The following ZNF320 variants were observed in gnomAD, a reference collection of about 807,000 sequenced individuals.
ZNF320 encodes the protein zinc finger protein 320, also known as zinc finger gene 320.
Under a neutral mutation model 6.8 loss-of-function variants are expected in ZNF320, and 2 were observed. That is an observed-to-expected ratio of 0.29 (90% CI 0.12 to 0.93). The LOEUF is 0.93. Ranked by LOEUF, ZNF320 falls within the 40% of genes least tolerant of loss-of-function variation. The pLI is 0.55. For missense variants in ZNF320, 472 were observed against 611.0 expected (o/e 0.77, Z 2.40); for synonymous variants, 208 against 203.2 (o/e 1.02, Z -0.20).
In ZNF320 at chr19:52,888,149, A is replaced by C; in HGVS notation, c.120T>G (p.Asn40Lys). ...RTLYRDVMLENYRNLVSLDIS... is the reference protein window; with the variant it reads ...RTLYRDVMLEKYRNLVSLDIS... Reference sequence around the variant, plus strand: ...CACCCAGGGAGACCAGGTTCCTATAATTCTCCAGCATCACGTCTCTGTATA... The same window carrying C: ...CACCCAGGGAGACCAGGTTCCTATACTTCTCCAGCATCACGTCTCTGTATA... The change falls in exon 5 of 6, where the codon AAT (asparagine) becomes AAG (lysine). Residue 40 changes from asparagine (N) to lysine (K), a missense_variant. By Grantham distance (94) the Asn-to-Lys change is moderately conservative (BLOSUM62 0). Coordinates refer to ENST00000682928, the MANE Select transcript of ZNF320 (RefSeq NM_001351774.2). 1 of 1,547,548 alleles carries C rather than the reference A, an allele frequency of 6.5e-7. No individual in the cohort carries two copies. Among genetic ancestry groups the C allele is most frequent in the Non-Finnish European group, 8.7e-7 (1 of 1,154,552 alleles).
upstream of ZNF320, among the ~76,000 whole-genome samples, chr19:52,899,810 G>C (rs1340883249): frequency 1.3e-5 from 2 of 152,158 alleles, no homozygotes; most frequent in Non-Finnish European, 2.9e-5. Context: ...AACAGTCAAG[G>C]CTTGACCGGT....
In ZNF320 at chr19:52,880,123, T is replaced by A. The variant is rs945064556; in HGVS notation, c.*473A>T. On this transcript the variant is annotated 3_prime_UTR_variant, in exon 6 of 6. Transcript: ENST00000682928. ...CAGCACTTTGGCAGGTGGAGGCAGGTGGATTTTAAGGACAGAAGATCGAGA... is the reference window on the plus strand; with the variant it reads ...CAGCACTTTGGCAGGTGGAGGCAGGAGGATTTTAAGGACAGAAGATCGAGA... 1 of 152,208 alleles carries A rather than the reference T, an allele frequency of 6.6e-6. No homozygotes were observed. The highest frequency in any genetic ancestry group is 1.5e-5 in the Non-Finnish European group (1 of 68,236). The allele number at this position is 152,208 out of a possible 1,614,324, so 9.4% of individuals were successfully genotyped here. A position where few individuals can be genotyped will look rare whatever the true frequency, so the allele number is the denominator to read the frequency against.
At chr19:52,903,849 A>C in the ZNF320 span, among the ~76,000 whole-genome samples, 68,102 of 152,090 alleles carry the variant, frequency 0.45, 16,420 homozygotes, top group Non-Finnish European at 0.55. Flanking sequence ...TAAAAAATTC[A>C]AGCCAAGTCA....
At position 52,864,815 on chromosome 19, in the gene ZNF320, C is replaced by T. The variant is rs184087878; in HGVS notation, c.224-656G>A. ...GATCATGATGTCAGGAGATCGAGAC[C>T]ATCCTGGCTAACACAGTGAAATCCC... On this transcript the variant is annotated intron_variant, in intron 5 of 5. Transcript: ENST00000673631. Among the ~76,000 whole-genome samples, 797 of 150,866 alleles carry T rather than the reference C, an allele frequency of 5.3e-3. 9 individuals are homozygous for T. The highest frequency in any genetic ancestry group is 0.017 in the African/African-American group (679 of 40,952).
exon 6 of ZNF320, chr19:52,861,710 C>T: frequency 3.9e-6 from 1 of 256,444 alleles, no homozygotes; most frequent in Admixed American, 4.7e-5. Flanking sequence ...GCTGAATTGA[C>T]TCTAATGACA....
chr19:52,885,140 T>G (rs1175576554), intron 5 of ZNF320, among the ~76,000 whole-genome samples: 2 of 152,004 alleles, frequency 1.3e-5, no homozygotes, highest in Non-Finnish European at 2.9e-5. Flanking sequence ...AAGTGGAGGT[T>G]GCAGTGACCC....
chr19:52,881,774 T>C lies in ZNF320; in HGVS notation c.352A>G (p.Lys118Glu). The C allele has an allele frequency of 6.2e-7, 1 of 1,613,908 alleles. No homozygotes were observed. The highest frequency in any genetic ancestry group is 1.1e-5 in the South Asian group (1 of 91,056). The change falls in exon 6 of 6, where the codon AAG (lysine) becomes GAG (glutamate). Residue 118 changes from lysine (K) to glutamate (E), a missense_variant. Physicochemically the swap from Lys to Glu is moderately conservative, Grantham distance 56. Around this residue, in one of 2 missense-constraint regions of ZNF320, gnomAD observed 462 missense variants for 559.7 expected, o/e 0.83. Transcript: ENST00000682928. ...TATCGGTCTGTACTACTAGTCAACT[T>C]TTTTATTTCTGTCATGGGTGCTTCA... Reference protein sequence around the residue: ...DHEAPMTEIKKLTSSTDRYDQ... With the variant: ...DHEAPMTEIKELTSSTDRYDQ...
intron 5 of ZNF320, among the ~76,000 whole-genome samples, chr19:52,886,146 T>C (rs1234711256): frequency 6.6e-6 from 1 of 152,116 alleles, no homozygotes; most frequent in African/African-American, 2.4e-5. Context: ...TTTATTTTTA[T>C]TTTTTTGACA....
chr19:52,902,580 C>T (rs1010679047), upstream of ZNF320, among the ~76,000 whole-genome samples: 1 of 152,184 alleles, frequency 6.6e-6, no homozygotes, highest in African/African-American at 2.4e-5. Flanking sequence ...ATGAATGCTT[C>T]CTTTAGCACC....
intron 5 of ZNF320, 62 bp downstream of exon 5, chr19:52,888,065 C>A: frequency 6.2e-7 from 1 of 1,603,400 alleles, no homozygotes; most frequent in East Asian, 2.2e-5. Flanking sequence ...CCAAGAGAAA[C>A]AAGAGAAAAT....
Position 52,881,567 on chromosome 19 carries a change from T to C in ZNF320, c.559A>G (p.Lys187Glu). The part of the protein sequence containing the change: ...EIHRIIHTGE[K>E]PYKCKVCDKA... ...TCGCAAACCTTACATTTGTATGGTTTCTCTCCAGTATGAATTATCCTATGT... is the reference window on the plus strand; with the variant it reads ...TCGCAAACCTTACATTTGTATGGTTCCTCTCCAGTATGAATTATCCTATGT... Residue 187 changes from lysine (K) to glutamate (E), a missense_variant, in exon 6 of 6, where the codon AAA (lysine) becomes GAA (glutamate). This residue lies in a region of ZNF320 where 462 missense variants were observed against 559.7 expected (regional missense o/e 0.83). Transcript: ENST00000682928. 6.2e-7 allele frequency: 1 copy of C among 1,614,080 alleles called. No individual in the cohort carries two copies. The highest frequency in any genetic ancestry group is 2.2e-5 in the East Asian group (1 of 44,868).
intron 4 of ZNF320, among the ~76,000 whole-genome samples, chr19:52,888,622 T>C (rs79423073): frequency 0.65 from 65,487 of 101,296 alleles, 23,527 homozygotes; most frequent in African/African-American, 0.71. Flanking sequence ...AAAGCAAGAC[T>C]CTCTCTCAAA....
chr19:52,861,452 C>T (rs932667051), exon 6 of ZNF320, among the ~76,000 whole-genome samples: 11 of 152,066 alleles, frequency 7.2e-5, no homozygotes, highest in African/African-American at 1.7e-4. Flanking sequence ...AGATTCAACA[C>T]GGTACCCATA....
At chr19:52,898,857 C>T (rs537368343), upstream of ZNF320, among the ~76,000 whole-genome samples, 51 of 152,142 alleles carry the variant, frequency 3.4e-4, no homozygotes, top group South Asian at 9.9e-3. Context: ...TTTTTAACTA[C>T]TGGGTTTAGG....
At chr19:52,896,709 C>T (rs942399774) in intron 1 of ZNF320, among the ~76,000 whole-genome samples, 4 of 151,996 alleles carry the variant, frequency 2.6e-5, no homozygotes, top group African/African-American at 9.7e-5. Flanking sequence ...ACCCCATCTC[C>T]AATAAAAAAG....
At chr19:52,887,013 A>AGGAAGGAAGGAAGGAAGGAAAAG (rs1555821425) in intron 5 of ZNF320, among the ~76,000 whole-genome samples, 4 of 143,246 alleles carry the variant, frequency 2.8e-5, no homozygotes, top group African/African-American at 1.1e-4. Flanking sequence ...AAGGAAAAGA[A>AGGAAGGAAGGAAGGAAGGAAAAG]AAAACAAAAC....
At position 52,877,270 on chromosome 19, in the gene ZNF320, G is replaced by A. The variant is rs2063791472; in HGVS notation, c.*3326C>T. 6.6e-6 allele frequency: 1 copy of A among 152,174 alleles called. No homozygotes were observed. Among genetic ancestry groups the A allele is most frequent in the African/African-American group, 2.4e-5 (1 of 41,436 alleles). 9.4% of individuals were successfully genotyped at this position (152,174 alleles called of 1,614,324 possible). A position where few individuals can be genotyped will look rare whatever the true frequency, so the allele number is the denominator to read the frequency against. ...TTACAGACACACGAGACAGCAATCAGTACATATATACATTGGTCCGGTCTG... is the reference window on the plus strand; with the variant it reads ...TTACAGACACACGAGACAGCAATCAATACATATATACATTGGTCCGGTCTG... On this transcript the variant is annotated 3_prime_UTR_variant, in exon 6 of 6. Coordinates refer to ENST00000682928, the MANE Select transcript of ZNF320 (RefSeq NM_001351774.2).
At chr19:52,874,818 C>T (rs2115337), downstream of ZNF320, among the ~76,000 whole-genome samples, 4 of 152,268 alleles carry the variant, frequency 2.6e-5, no homozygotes, top group African/African-American at 2.4e-5. Context: ...AGGGAAGAAA[C>T]GCTGCTTGTC....
rs1178547987 is a variant in ZNF320, at chr19:52,880,641, A to G, written c.1485T>C (p.Asn495=). 6.2e-7 allele frequency: 1 copy of G among 1,613,016 alleles called. No homozygotes were observed. Among genetic ancestry groups the G allele is most frequent in the African/African-American group, 1.3e-5 (1 of 74,894 alleles). The stretch of plus-strand genomic sequence containing the variant: ...TGCTATACTCATTGCACTTGAAACA[A>G]TTGTCTCCAAAAGGAATTTTCTGAT... ...AEHQKIPFGD[N]CFKCNEYSKP... Residue 495 remains asparagine (N), a synonymous_variant, in exon 6 of 6, where the codon AAT becomes AAC. Transcript: ENST00000682928.
Sources: allele counts gnomAD v4.1 joint callset (sites outside exome capture counted in the v4.1 genomes callset), GRCh38; gene constraint gnomAD v4.1.1; regional missense constraint gnomAD v4.1.1; transcripts MANE v1.5; gene names NCBI Gene and HGNC (gene_info 2026-07-23, HGNC 2026-07-21).